PCDH15: variants seen among roughly 807,000 people sequenced by gnomAD.
PCDH15 encodes the protein protocadherin related 15.
PCDH15 carries 129 observed loss-of-function variants against 178.5 expected under a neutral mutation model. The ratio of observed to expected loss-of-function variants is 0.72; its 90% CI spans 0.63 to 0.84. PCDH15 has a LOEUF of 0.84. Ranked by LOEUF, PCDH15 falls within the 40% of genes least tolerant of loss-of-function variation. PCDH15 has a pLI of 0.00. For missense variants in PCDH15, 2,230 were observed against 2,099.9 expected, an observed-to-expected ratio of 1.06 and a Z score of -1.21; for synonymous variants, 800 against 732.0, an observed-to-expected ratio of 1.09 and a Z score of -1.50.
intron 1 of PCDH15, among the ~76,000 whole-genome samples, chr10:55,234,381 T>A (rs1564917002): frequency 6.6e-6 from 1 of 152,032 alleles, no homozygotes; most frequent in Admixed American, 6.6e-5. Flanking sequence ...ATATGAAAAA[T>A]TTAATGAACC....
At chr10:55,352,706 G>C (rs1844969436) in intron 2 of PCDH15, among the ~76,000 whole-genome samples, 1 of 152,042 alleles carries the variant, frequency 6.6e-6, no homozygotes, top group Non-Finnish European at 1.5e-5. Context: ...CAAAAGTAAG[G>C]CTCCATTTCT....
At chr10:54,720,786 A>G (rs757487892) in intron 1 of PCDH15, among the ~76,000 whole-genome samples, 13 of 152,194 alleles carry the variant, frequency 8.5e-5, no homozygotes, top group Non-Finnish European at 1.5e-4. Flanking sequence ...CAGTTATACA[A>G]TAATAGTGGA....
At chr10:54,573,944 G>A (rs1259516816) in intron 2 of PCDH15, among the ~76,000 whole-genome samples, 1 of 152,096 alleles carries the variant, frequency 6.6e-6, no homozygotes, top group Non-Finnish European at 1.5e-5. Context: ...CAGATGAGTA[G>A]GTTGTGAAAA....
intron 1 of PCDH15, among the ~76,000 whole-genome samples, chr10:55,314,587 A>AAT (rs199651271): frequency 1.2e-3 from 176 of 151,684 alleles, no homozygotes; most frequent in African/African-American, 4.0e-3. Flanking sequence ...AACAAAAAAA[A>AAT]AAATTCCAAC....
intron 28 of PCDH15, among the ~76,000 whole-genome samples, chr10:53,840,944 T>C (rs962822188): frequency 6.6e-6 from 1 of 152,164 alleles, no homozygotes; most frequent in African/African-American, 2.4e-5. Context: ...AGGATGCCTG[T>C]TTTCCCAAAG....
At chr10:55,503,329 T>A (rs1256430862) in intron 2 of PCDH15, among the ~76,000 whole-genome samples, 4 of 148,982 alleles carry the variant, frequency 2.7e-5, no homozygotes, top group Non-Finnish European at 6.0e-5. Context: ...AATTTTAAAA[T>A]TAAGTTTTAT....
intron 5 of PCDH15, among the ~76,000 whole-genome samples, chr10:54,351,484 T>A (rs1485029152): frequency 6.6e-6 from 1 of 152,168 alleles, no homozygotes; most frequent in Admixed American, 6.5e-5. Context: ...AACTGGTTCA[T>A]CAGTAGAAAC....
chr10:55,434,698 C>T (rs576005344), intron 2 of PCDH15, among the ~76,000 whole-genome samples: 26 of 151,990 alleles, frequency 1.7e-4, no homozygotes, highest in Admixed American at 1.3e-3. Context: ...CTCTGCCTCC[C>T]GAGTTCAAGT....
intron 4 of PCDH15, among the ~76,000 whole-genome samples, chr10:54,375,780 TTTGAAATGGA>T (rs1180460484): frequency 0.11 from 15,616 of 145,670 alleles, 1,058 homozygotes; most frequent in Middle Eastern, 0.19. Flanking sequence ...TATATATATA[TTTGAAATGGA>T]ATATATATAT....
At chr10:54,350,857 A>G (rs1944063068) in intron 5 of PCDH15, among the ~76,000 whole-genome samples, 1 of 152,110 alleles carries the variant, frequency 6.6e-6, no homozygotes, top group African/African-American at 2.4e-5. Context: ...TAATCCCAAC[A>G]ATTTGGGAGG....
chr10:55,524,059 C>CT (rs35312025), intron 2 of PCDH15, among the ~76,000 whole-genome samples: 40,274 of 145,008 alleles, frequency 0.28, 6,186 homozygotes, highest in East Asian at 0.5. Flanking sequence ...ATGTAAAAAC[C>CT]TTTTTTTTTT....
intron 25 of PCDH15, among the ~76,000 whole-genome samples, chr10:53,934,622 G>T (rs137909240): frequency 5.1e-4 from 78 of 151,876 alleles, no homozygotes; most frequent in African/African-American, 1.9e-3. Flanking sequence ...ATCACACGGA[G>T]ATGTAACATG....
intron 11 of PCDH15, among the ~76,000 whole-genome samples, chr10:54,191,064 T>C (rs919626322): frequency 1.3e-5 from 2 of 152,178 alleles, no homozygotes; most frequent in African/African-American, 4.8e-5. Flanking sequence ...TGCAACATCA[T>C]TAGCATCTTT....
At chr10:54,196,567 G>A (rs2049688216) in intron 10 of PCDH15, among the ~76,000 whole-genome samples, 1 of 152,142 alleles carries the variant, frequency 6.6e-6, no homozygotes, top group African/African-American at 2.4e-5. Flanking sequence ...AAGAAAAAAA[G>A]TAACACAAAT....
chr10:53,828,002 A>G (rs976745954), intron 31 of PCDH15, among the ~76,000 whole-genome samples: 3 of 152,004 alleles, frequency 2.0e-5, no homozygotes, highest in Admixed American at 2.0e-4. Flanking sequence ...CTGTACACAC[A>G]TGTACAAGGG....
intron 26 of PCDH15, among the ~76,000 whole-genome samples, chr10:53,886,394 A>T (rs1304439098): frequency 6.6e-6 from 1 of 152,130 alleles, no homozygotes; most frequent in Non-Finnish European, 1.5e-5. Context: ...TAAATATATC[A>T]AAACTTTATT....
At chr10:55,483,050 T>C (rs1840216411) in intron 2 of PCDH15, among the ~76,000 whole-genome samples, 1 of 151,706 alleles carries the variant, frequency 6.6e-6, no homozygotes. Flanking sequence ...GACTTAAATG[T>C]AAAACCCATT....
At chr10:55,606,812 A>G (rs1452936468) in intron 2 of PCDH15, among the ~76,000 whole-genome samples, 5 of 146,650 alleles carry the variant, frequency 3.4e-5, no homozygotes, top group African/African-American at 1.3e-4. Context: ...AAACCTAGGC[A>G]TTACCATTCA....
chr10:53,830,328 A>C (rs1016620468), intron 30 of PCDH15, among the ~76,000 whole-genome samples: 25 of 151,900 alleles, frequency 1.6e-4, no homozygotes, highest in Non-Finnish European at 3.2e-4. Flanking sequence ...AAAGTAAAGA[A>C]TACATAAGAA....
Sources: allele counts gnomAD v4.1 joint callset (sites outside exome capture counted in the v4.1 genomes callset), GRCh38; gene constraint gnomAD v4.1.1; transcripts MANE v1.5; gene names NCBI Gene and HGNC (gene_info 2026-07-23, HGNC 2026-07-21).